Variants in FAM117B observed in about 807,000 individuals in gnomAD.
FAM117B encodes the protein protein FAM117B.
A neutral mutation model predicts 52.8 loss-of-function variants in FAM117B; 22 were observed. The ratio of observed to expected loss-of-function variants is 0.42; its 90% CI spans 0.30 to 0.59. The LOEUF (loss-of-function observed/expected upper bound fraction) is 0.59, where lower values mean the gene tolerates loss of function less well. Among genes scored for constraint, FAM117B ranks in the 20% least tolerant of loss-of-function variants. The probability of loss-of-function intolerance (pLI) is 0.22; values close to 1 mark genes in which losing one functional copy is unlikely to be tolerated. For synonymous variants in FAM117B, 309 were observed against 324.1 expected (o/e 0.95, Z 0.50); for missense variants, 678 against 802.6 (o/e 0.84, Z 1.88).
intron 2 of FAM117B, among the ~76,000 whole-genome samples, chr2:202,704,343 C>T (rs1348328448): frequency 6.6e-6 from 1 of 152,146 alleles, no homozygotes; most frequent in Non-Finnish European, 1.5e-5. Context: ...GTTTTATCCC[C>T]TAAGGAATTT....
At chr2:202,678,682 G>C (rs1403584675) in intron 1 of FAM117B, among the ~76,000 whole-genome samples, 1 of 152,178 alleles carries the variant, frequency 6.6e-6, no homozygotes, top group East Asian at 1.9e-4. Flanking sequence ...TCAGCCTCCA[G>C]AGTAACTGGG....
chr2:202,651,012 C>T (rs577051181), intron 1 of FAM117B, among the ~76,000 whole-genome samples: 6 of 152,030 alleles, frequency 3.9e-5, no homozygotes, highest in South Asian at 2.1e-4. Flanking sequence ...CAATAATAAC[C>T]GTCACAGCTC....
intron 2 of FAM117B, among the ~76,000 whole-genome samples, chr2:202,702,623 A>G (rs371285928): frequency 6.6e-6 from 1 of 151,906 alleles, no homozygotes; most frequent in African/African-American, 2.4e-5. Flanking sequence ...GCACAGTCTC[A>G]GCTCAATGCA....
chr2:202,705,562 C>G (rs1352798109), intron 2 of FAM117B, among the ~76,000 whole-genome samples: 1 of 152,114 alleles, frequency 6.6e-6, no homozygotes, highest in Non-Finnish European at 1.5e-5. Context: ...CTTAGTGCTC[C>G]AGCATGTCAG....
intron 1 of FAM117B, among the ~76,000 whole-genome samples, chr2:202,661,145 G>C (rs1000071354): frequency 1.3e-5 from 2 of 152,160 alleles, no homozygotes; most frequent in Non-Finnish European, 2.9e-5. Flanking sequence ...TCTAGTTTTT[G>C]TTTTGTTCCC....
At chr2:202,668,090 T>C (rs1253982543) in intron 1 of FAM117B, among the ~76,000 whole-genome samples, 1 of 137,680 alleles carries the variant, frequency 7.3e-6, no homozygotes, top group African/African-American at 3.1e-5. Flanking sequence ...ATATATTTTA[T>C]AAAAATATAT....
chr2:202,685,107 C>G (rs1266560819), intron 1 of FAM117B, among the ~76,000 whole-genome samples: 1 of 151,996 alleles, frequency 6.6e-6, no homozygotes, highest in Non-Finnish European at 1.5e-5. Context: ...CTCAGCCTCC[C>G]GAGTAGCTGG....
intron 1 of FAM117B, among the ~76,000 whole-genome samples, chr2:202,640,298 ATATATAT>A (rs1344805438): frequency 5.6e-5 from 1 of 17,892 alleles, no homozygotes; most frequent in East Asian, 1.6e-3. Flanking sequence ...ACCACAAAAT[ATATATAT>A]ATATATATAT....
rs1691786348 is a variant in FAM117B at position 202,755,421 on chromosome 2, G to A, written c.961-117G>A. 9 of 1,276,660 alleles carry A rather than the reference G, an allele frequency of 7.0e-6. No homozygotes were observed. The Admixed American group carries it at 1.5e-4, about 22-fold the overall frequency. 79.1% of individuals were successfully genotyped at this position (1,276,660 alleles called of 1,614,324 possible). ...GCAGGTTTGGTCACTCACACTTTTT[G>A]TGAGGCCTGTAAACTTTGATTTATT... On this transcript the variant is annotated intron_variant, in intron 4 of 7. Transcript: ENST00000392238.
chr2:202,738,821 T>C (rs1393506092), intron 4 of FAM117B, among the ~76,000 whole-genome samples: 1 of 152,190 alleles, frequency 6.6e-6, no homozygotes, highest in Non-Finnish European at 1.5e-5. Context: ...CTTAGAGCAA[T>C]GCCTAGCACA....
chr2:202,652,434 G>T (rs868665637), intron 1 of FAM117B, among the ~76,000 whole-genome samples: 6 of 152,288 alleles, frequency 3.9e-5, no homozygotes, highest in African/African-American at 1.4e-4. Context: ...CTCACTTTGT[G>T]CAGAGCAGGA....
intron 1 of FAM117B, among the ~76,000 whole-genome samples, chr2:202,661,798 C>G (rs969336053): frequency 2.0e-5 from 3 of 151,916 alleles, no homozygotes; most frequent in Non-Finnish European, 4.4e-5. Flanking sequence ...TGCCTGTAAT[C>G]CCAGCTACTT....
intron 2 of FAM117B, among the ~76,000 whole-genome samples, chr2:202,722,440 G>A (rs755805525): frequency 3.3e-5 from 5 of 152,220 alleles, no homozygotes; most frequent in Admixed American, 2.6e-4. Context: ...ATCAACAGTA[G>A]CCTGGATAAG....
At chr2:202,709,795 T>C (rs1690931444) in intron 2 of FAM117B, among the ~76,000 whole-genome samples, 1 of 152,192 alleles carries the variant, frequency 6.6e-6, no homozygotes. Flanking sequence ...TATTTAAATC[T>C]TGAATCAATT....
chr2:202,755,763 G>T, intron 5 of FAM117B, 82 bp downstream of exon 5: 1 of 1,391,756 alleles, frequency 7.2e-7, no homozygotes. Context: ...ATATTTACTT[G>T]GGTTTCTTCC....
chr2:202,702,315 C>T (rs1350088698), intron 2 of FAM117B, among the ~76,000 whole-genome samples: 1 of 151,926 alleles, frequency 6.6e-6, no homozygotes, highest in East Asian at 1.9e-4. Context: ...CGCTTGAACC[C>T]GGGAGGCAGA....
Position 202,659,718 on chromosome 2 carries a change from G to A in FAM117B, c.601+23930G>A, listed in dbSNP as rs948676800. Among the ~76,000 whole-genome samples the A allele has an allele frequency of 4.2e-5, 6 of 142,990 alleles. No homozygotes were observed. In the East Asian group the frequency reaches 9.2e-4, roughly 22 times the overall value. 93.8% of individuals were successfully genotyped at this position (142,990 alleles called of 152,430 possible). A position where few individuals can be genotyped will look rare whatever the true frequency, so the allele number is the denominator to read the frequency against. On this transcript the variant is annotated intron_variant, in intron 1 of 7. Transcript: ENST00000392238. ...CAACCTCCGCCTCCCGGGTTCAAACGATTCTCCTGCCTCAGCCTCCCAAGT... is the reference window on the plus strand; with the variant it reads ...CAACCTCCGCCTCCCGGGTTCAAACAATTCTCCTGCCTCAGCCTCCCAAGT...
chr2:202,682,316 A>C (rs1381386721), intron 1 of FAM117B, among the ~76,000 whole-genome samples: 1 of 152,188 alleles, frequency 6.6e-6, no homozygotes, highest in Admixed American at 6.5e-5. Flanking sequence ...TGGCAAAGTT[A>C]AAAGGGTGCT....
At chr2:202,710,130 G>A (rs1690935454) in intron 2 of FAM117B, among the ~76,000 whole-genome samples, 1 of 152,110 alleles carries the variant, frequency 6.6e-6, no homozygotes, top group South Asian at 2.1e-4. Context: ...TTTCACACGA[G>A]TTTTAGAATT....
Sources: allele counts gnomAD v4.1 joint callset (sites outside exome capture counted in the v4.1 genomes callset), GRCh38; gene constraint gnomAD v4.1.1; transcripts MANE v1.5; gene names NCBI Gene and HGNC (gene_info 2026-07-23, HGNC 2026-07-21).